COL12A1: variants seen among roughly 807,000 people sequenced by gnomAD.
COL12A1 encodes collagen type XII alpha 1 chain, also known as collagen alpha-1(XII) chain.
In COL12A1, 114 loss-of-function variants were observed where a neutral mutation model predicts 349.7. The ratio of observed to expected loss-of-function variants is 0.33; its 90% confidence interval spans 0.28 to 0.38. COL12A1 has a LOEUF of 0.38. Among genes scored for constraint, COL12A1 ranks in the 10% least tolerant of loss-of-function variants. The pLI, the probability that COL12A1 is intolerant of heterozygous loss-of-function variation, is 1.00. For missense variants in COL12A1, 3,284 were observed against 3,756.9 expected (o/e 0.87, Z 3.29); for synonymous variants, 1,369 against 1,329.0 (o/e 1.03, Z -0.66).
chr6:75,125,364 T>G, intron 39 of COL12A1, 91 bp from the exon 40 acceptor site: 1 of 1,230,054 alleles, frequency 8.1e-7, no homozygotes, highest in Non-Finnish European at 1.1e-6. Flanking sequence ...CAAAGGGTAT[T>G]ATGAACACGA....
intron 23 of COL12A1, among the ~76,000 whole-genome samples, chr6:75,146,720 C>T (rs1156959582): frequency 6.6e-6 from 1 of 152,102 alleles, no homozygotes; most frequent in African/African-American, 2.4e-5. Flanking sequence ...AAGATAAACC[C>T]ATGAAGCAGA....
chr6:75,133,661 G>T (rs1448702642), intron 33 of COL12A1, among the ~76,000 whole-genome samples, 197 bp downstream of exon 33: 1 of 152,076 alleles, frequency 6.6e-6, no homozygotes, highest in Non-Finnish European at 1.5e-5. Context: ...CCCCTGGCCA[G>T]GGGGAAGAAT....
At chr6:75,095,690 A>C (rs897120476) in intron 59 of COL12A1, among the ~76,000 whole-genome samples, 16 of 152,072 alleles carry the variant, frequency 1.1e-4, no homozygotes, top group Non-Finnish European at 1.8e-4. Context: ...ACTACAGTGC[A>C]ATCCTTATGG....
Position 75,108,882 on chromosome 6 carries a change from T to C in COL12A1, c.8100+136A>G, listed in dbSNP as rs1443850421. On this transcript the variant is annotated intron_variant, in intron 52 of 65. Transcript: ENST00000322507. Reference sequence around the variant, plus strand: ...TCTCAATGTACTTCTTCCAATGTTTTGATCTGACCAAGAAATTTGACAACT... The same window carrying C: ...TCTCAATGTACTTCTTCCAATGTTTCGATCTGACCAAGAAATTTGACAACT... The C allele has an allele frequency of 7.9e-6, 7 of 886,194 alleles. No individual in the cohort carries two copies. The Admixed American group carries it at 1.6e-4, about 20-fold the overall frequency. The allele number at this position is 886,194 out of a possible 1,614,324, so 54.9% of individuals were successfully genotyped here.
intron 21 of COL12A1, among the ~76,000 whole-genome samples, chr6:75,149,020 G>A (rs1311226856): frequency 6.6e-6 from 1 of 152,098 alleles, no homozygotes; most frequent in African/African-American, 2.4e-5. Flanking sequence ...CTGCCACCAT[G>A]TAAGACCTCC....
In COL12A1 at chr6:75,151,156, T is replaced by A. The variant is rs1405840866; in HGVS notation, c.4132A>T (p.Ser1378Cys). The change falls in exon 21 of 66, where the codon AGT (serine) becomes TGT (cysteine). Residue 1378 changes from serine (S) to cysteine (C), a missense_variant. Ser to Cys is a moderately radical substitution (Grantham distance 112). Coordinates refer to ENST00000322507, the MANE Select transcript of COL12A1 (RefSeq NM_004370.6). ...TTAAACTTACCTGGACCTTTGACACTGTTACACAAATTAATGGTGAGATCA... is the reference window on the plus strand; with the variant it reads ...TTAAACTTACCTGGACCTTTGACACAGTTACACAAATTAATGGTGAGATCA... ...VDDLTINLCN[S>C]VKGPGDLEAP... The A allele has an allele frequency of 3.2e-6, 5 of 1,546,530 alleles. No homozygotes were observed. Among genetic ancestry groups the A allele is most frequent in the Non-Finnish European group, 4.4e-6 (5 of 1,138,698 alleles).
chr6:75,157,652 A>T (rs866282297), intron 14 of COL12A1, among the ~76,000 whole-genome samples: 3 of 152,280 alleles, frequency 2.0e-5, no homozygotes, highest in East Asian at 1.9e-4. Context: ...TGTTGTTGCA[A>T]GTCTGGAGAG....
At chr6:75,128,511 A>G in intron 37 of COL12A1, 86 bp from the exon 38 acceptor site, 1 of 1,152,380 alleles carries the variant, frequency 8.7e-7, no homozygotes. Context: ...ATTCCCATAA[A>G]CAGTAATAGT....
At chr6:75,093,732 T>A (rs1411252773) in intron 60 of COL12A1, among the ~76,000 whole-genome samples, 1 of 152,122 alleles carries the variant, frequency 6.6e-6, no homozygotes. Context: ...ATTGTTCTGA[T>A]TTTTTTTAAT....
At chr6:75,135,724 C>T (rs567455979) in intron 31 of COL12A1, among the ~76,000 whole-genome samples, 7 of 152,236 alleles carry the variant, frequency 4.6e-5, no homozygotes, top group African/African-American at 1.4e-4. Context: ...GAGAAAAACC[C>T]AGTGAATCAC....
At chr6:75,198,581 T>C (rs1475068735) in intron 2 of COL12A1, among the ~76,000 whole-genome samples, 2 of 152,068 alleles carry the variant, frequency 1.3e-5, no homozygotes, top group African/African-American at 2.4e-5. Context: ...ATATTAACTT[T>C]ATACACTTGT....
chr6:75,135,008 T>C (rs933909853), intron 31 of COL12A1, among the ~76,000 whole-genome samples, 153 bp from the exon 32 acceptor site: 1 of 152,180 alleles, frequency 6.6e-6, no homozygotes, highest in Non-Finnish European at 1.5e-5. Flanking sequence ...CACCTTGTGG[T>C]ATAACTTCAA....
chr6:75,175,347 A>T (rs911923745), intron 12 of COL12A1, 37 bp from the exon 13 acceptor site: 3 of 1,586,468 alleles, frequency 1.9e-6, no homozygotes, highest in Non-Finnish European at 2.6e-6. Context: ...AAAACCCATT[A>T]TTTAAAAAAA....
intron 31 of COL12A1, among the ~76,000 whole-genome samples, chr6:75,136,004 A>T (rs1414230201): frequency 6.6e-6 from 1 of 152,200 alleles, no homozygotes; most frequent in Admixed American, 6.5e-5. Context: ...GTTAAAATCC[A>T]AGTACCCCAA....
chr6:75,156,562 GA>G lies in COL12A1; in HGVS notation c.2984-40del, dbSNP rs577647862. On this transcript the variant is annotated intron_variant, in intron 14 of 65. Transcript: ENST00000322507. ...GGAAGATTAAACTGTATACCATGTT[GA>G]AAAAAAATGTATGTCCACCTCTTCA... The G allele has an allele frequency of 1.2e-3, 1,924 of 1,575,200 alleles. 27 individuals are homozygous for G. The highest frequency in any genetic ancestry group is 2.4e-4 in the Non-Finnish European group (273 of 1,158,200).
chr6:75,127,920 C>T (rs879382222), intron 38 of COL12A1, among the ~76,000 whole-genome samples: 4 of 152,112 alleles, frequency 2.6e-5, no homozygotes, highest in Admixed American at 6.6e-5. Flanking sequence ...AAGATTCAAT[C>T]GCAATGGAAT....
intron 3 of COL12A1, among the ~76,000 whole-genome samples, chr6:75,194,180 T>G (rs1475705061): frequency 6.6e-6 from 1 of 152,188 alleles, no homozygotes; most frequent in East Asian, 1.9e-4. Flanking sequence ...TTGAACTAGT[T>G]TACAGTCAGT....
chr6:75,119,396 A>G lies in COL12A1; in HGVS notation c.7164T>C (p.Leu2388=). 6.2e-7 allele frequency: 1 copy of G among 1,613,928 alleles called. No individual in the cohort carries two copies. Residue 2388 remains leucine, a synonymous_variant, in exon 45 of 66, where the codon CTT becomes CTC. Transcript: ENST00000322507. ...TGTACCTAATATTCTGGAGGGCCCCAAGGGCTAGGGCCTTGTCATTGTACG... is the reference window on the plus strand; with the variant it reads ...TGTACCTAATATTCTGGAGGGCCCCGAGGGCTAGGGCCTTGTCATTGTACG... ...LNTYNDKALA[L]GALQNIRYRG... is the part of the protein sequence containing the mutation.
rs1264355942 is a variant in COL12A1, at chr6:75,087,631, A to C, written c.9127T>G (p.Tyr3043Asp). 6.2e-7 allele frequency: 1 copy of C among 1,613,656 alleles called. No homozygotes were observed. The highest frequency in any genetic ancestry group is 8.5e-7 in the Non-Finnish European group (1 of 1,179,790). ...CTGGCACACTGAGAAGAATCACAGTATCCAGGAGGACCTGGGGGTCCTCGG... is the reference window on the plus strand; with the variant it reads ...CTGGCACACTGAGAAGAATCACAGTCTCCAGGAGGACCTGGGGGTCCTCGG... ...GIRGPPGPPG[Y>D]CDSSQCASIP... The change falls in exon 65 of 66, where the codon TAC becomes GAC. Residue 3043 changes from tyrosine to aspartate, a missense_variant. This residue lies in a region of COL12A1 where 683 missense variants were observed against 932.1 expected (regional missense o/e 0.73). Coordinates refer to ENST00000322507, the MANE Select transcript of COL12A1 (RefSeq NM_004370.6).
Sources: gnomAD v4.1 joint callset for allele counts (sites outside exome capture counted in the v4.1 genomes callset) on GRCh38, gnomAD v4.1.1 for gene constraint, gnomAD v4.1.1 regional missense constraint, MANE v1.5 for transcripts, NCBI Gene and HGNC (gene_info 2026-07-23, HGNC 2026-07-21) for gene names.